CDH12: variants seen among roughly 807,000 people sequenced by gnomAD.
CDH12 encodes the protein cadherin-12.
In CDH12, 41 loss-of-function variants were observed where a neutral mutation model predicts 74.1. That is an observed-to-expected ratio of 0.55 (90% CI 0.43 to 0.72). The LOEUF is 0.72. Ranked by LOEUF, CDH12 falls within the 30% of genes least tolerant of loss-of-function variation. The pLI, the probability that CDH12 is intolerant of heterozygous loss-of-function variation, is 0.00. For missense variants in CDH12, 945 were observed against 977.2 expected (o/e 0.97, Z 0.44); for synonymous variants, 399 against 355.0 (o/e 1.12, Z -1.39).
intron 6 of CDH12, among the ~76,000 whole-genome samples, chr5:21,887,066 T>C (rs888921407): frequency 1.3e-5 from 2 of 152,176 alleles, no homozygotes; most frequent in Non-Finnish European, 1.5e-5. Flanking sequence ...GATAAAATTG[T>C]TTAGGATTTT....
intron 5 of CDH12, among the ~76,000 whole-genome samples, chr5:22,027,361 G>A (rs371726465): frequency 1.3e-5 from 2 of 152,076 alleles, no homozygotes; most frequent in African/African-American, 4.8e-5. Context: ...CTCTCTTTCT[G>A]TTGATTGGAA....
At chr5:22,044,100 G>A (rs1240006649) in intron 5 of CDH12, among the ~76,000 whole-genome samples, 1 of 151,990 alleles carries the variant, frequency 6.6e-6, no homozygotes, top group East Asian at 1.9e-4. Flanking sequence ...AAAATCACAT[G>A]GAACCACAAA....
At chr5:22,674,844 G>A (rs1032825541) in intron 1 of CDH12, among the ~76,000 whole-genome samples, 2 of 152,110 alleles carry the variant, frequency 1.3e-5, no homozygotes, top group Non-Finnish European at 2.9e-5. Context: ...CTTTGAAGTT[G>A]AGAGACATGA....
intron 14 of CDH12, among the ~76,000 whole-genome samples, chr5:21,754,857 A>T (rs1744296459): frequency 6.6e-6 from 1 of 152,230 alleles, no homozygotes; most frequent in Non-Finnish European, 1.5e-5. Flanking sequence ...GAATTAATAA[A>T]TGGAGAAGCT....
chr5:22,055,557 A>C (rs1298861938), intron 5 of CDH12, among the ~76,000 whole-genome samples: 1 of 152,080 alleles, frequency 6.6e-6, no homozygotes, highest in Non-Finnish European at 1.5e-5. Flanking sequence ...ATTGAGAACA[A>C]ATTTTTTTTC....
intron 1 of CDH12, among the ~76,000 whole-genome samples, chr5:22,831,263 CAA>C (rs2126499946): frequency 6.6e-6 from 1 of 151,316 alleles, no homozygotes; most frequent in East Asian, 2.0e-4. Flanking sequence ...GTAGAATATT[CAA>C]ATATAAATGT....
intron 1 of CDH12, among the ~76,000 whole-genome samples, chr5:22,669,959 A>C (rs990765652): frequency 3.9e-5 from 6 of 152,168 alleles, no homozygotes; most frequent in Non-Finnish European, 5.9e-5. Context: ...TAATATTTTC[A>C]TGCATTGATT....
intron 2 of CDH12, among the ~76,000 whole-genome samples, chr5:22,500,239 G>A (rs1747278880): frequency 6.6e-6 from 1 of 152,096 alleles, no homozygotes; most frequent in African/African-American, 2.4e-5. Context: ...CTTTGATTAG[G>A]ATAATTTTTC....
intron 5 of CDH12, among the ~76,000 whole-genome samples, chr5:22,032,972 T>C (rs1446954510): frequency 7.2e-6 from 1 of 139,564 alleles, no homozygotes; most frequent in Non-Finnish European, 1.5e-5. Context: ...AGAAACATTT[T>C]CCCCCAAAAG....
intron 1 of CDH12, among the ~76,000 whole-genome samples, chr5:22,514,144 T>C (rs1736717451): frequency 6.6e-6 from 1 of 151,972 alleles, no homozygotes; most frequent in South Asian, 2.1e-4. Flanking sequence ...ATATGAAAGA[T>C]AAGTTGTCAA....
chr5:22,321,817 G>A (rs192289589), intron 3 of CDH12, among the ~76,000 whole-genome samples: 1 of 152,046 alleles, frequency 6.6e-6, no homozygotes, highest in African/African-American at 2.4e-5. Context: ...AGAATAGCAA[G>A]CAGCAACGTA....
At chr5:22,272,625 A>C (rs913364444) in intron 3 of CDH12, among the ~76,000 whole-genome samples, 1 of 152,214 alleles carries the variant, frequency 6.6e-6, no homozygotes. Flanking sequence ...TTTCACTTGA[A>C]CATTTAGAGG....
chr5:22,385,785 G>T (rs1265156987), intron 3 of CDH12, among the ~76,000 whole-genome samples: 1 of 152,030 alleles, frequency 6.6e-6, no homozygotes, highest in Non-Finnish European at 1.5e-5. Flanking sequence ...GCATGACTGG[G>T]GAGGCCTCAG....
rs374104031 is a variant in CDH12, at chr5:21,951,907, C to T, written c.526+23184G>A. On this transcript the variant is annotated intron_variant, in intron 6 of 14. Transcript: ENST00000382254. ...AACCCTAGGTACATCTTCATTCAGACTTGAAAAGCTTTTGAATAGCGTCTG... is the reference window on the plus strand; with the variant it reads ...AACCCTAGGTACATCTTCATTCAGATTTGAAAAGCTTTTGAATAGCGTCTG... Among the ~76,000 whole-genome samples, 29 of 152,250 alleles carry T rather than the reference C, an allele frequency of 1.9e-4. No individual in the cohort carries two copies. In the South Asian group the frequency reaches 5.0e-3, roughly 26 times the overall value.
intron 5 of CDH12, among the ~76,000 whole-genome samples, chr5:22,074,290 T>C (rs977494622): frequency 6.6e-6 from 1 of 152,158 alleles, no homozygotes; most frequent in African/African-American, 2.4e-5. Flanking sequence ...ATCCCTTCCT[T>C]ACACCTTATA....
intron 1 of CDH12, among the ~76,000 whole-genome samples, chr5:22,654,258 C>T (rs1436490641): frequency 7.0e-6 from 1 of 143,776 alleles, no homozygotes; most frequent in Non-Finnish European, 1.5e-5. Flanking sequence ...CTTTCTCTTT[C>T]TTGCTTTCTT....
At chr5:22,120,112 A>G (rs1020389189) in intron 4 of CDH12, among the ~76,000 whole-genome samples, 2 of 152,168 alleles carry the variant, frequency 1.3e-5, no homozygotes, top group African/African-American at 4.8e-5. Flanking sequence ...ACAAAACTGA[A>G]TCATCACTTT....
At chr5:22,403,113 G>T (rs922763758) in intron 3 of CDH12, among the ~76,000 whole-genome samples, 1 of 152,182 alleles carries the variant, frequency 6.6e-6, no homozygotes, top group Non-Finnish European at 1.5e-5. Flanking sequence ...GAGGAGAGAG[G>T]CATGGACTGC....
At chr5:22,194,853 T>C (rs573709212) in intron 4 of CDH12, among the ~76,000 whole-genome samples, 10 of 152,288 alleles carry the variant, frequency 6.6e-5, no homozygotes, top group African/African-American at 1.9e-4. Flanking sequence ...ACATCAGCAG[T>C]TGTGGTCTTG....
Sources: allele counts gnomAD v4.1 joint callset (sites outside exome capture counted in the v4.1 genomes callset), GRCh38; gene constraint gnomAD v4.1.1; transcripts MANE v1.5; gene names NCBI Gene and HGNC (gene_info 2026-07-23, HGNC 2026-07-21).